The following ADGRE5 variants were observed in gnomAD, a reference collection of about 807,000 sequenced individuals.
ADGRE5 encodes the protein CD97 molecule.
In ADGRE5, 72 loss-of-function variants were observed where a neutral mutation model predicts 100.3. The observed-to-expected ratio is 0.72, with a 90% CI of 0.59 to 0.87. The LOEUF (loss-of-function observed/expected upper bound fraction) is 0.87, where lower values mean the gene tolerates loss of function less well. Among genes scored for constraint, ADGRE5 ranks in the 40% least tolerant of loss-of-function variants. ADGRE5 has a pLI of 0.00. For synonymous variants in ADGRE5, 439 were observed against 447.8 expected, an observed-to-expected ratio of 0.98 and a Z score of 0.25; for missense variants, 959 against 1,094.7, an observed-to-expected ratio of 0.88 and a Z score of 1.75.
chr19:14,383,940 C>G (rs1975245971), intron 1 of ADGRE5, among the ~76,000 whole-genome samples: 1 of 152,094 alleles, frequency 6.6e-6, no homozygotes, highest in African/African-American at 2.4e-5. Context: ...GGGCTCCAAG[C>G]CTCAGTTTCT....
intron 1 of ADGRE5, among the ~76,000 whole-genome samples, chr19:14,387,563 C>A (rs1280929979): frequency 6.6e-6 from 1 of 151,202 alleles, no homozygotes; most frequent in Non-Finnish European, 1.5e-5. Context: ...CCCATCTCTA[C>A]TAAAAATACA....
At position 14,401,431 on chromosome 19, in the gene ADGRE5, G is replaced by A. The variant is rs1396449863; in HGVS notation, c.943G>A (p.Val315Ile). Reference sequence around the variant, plus strand: ...TGAACTGATGGAAGCTCCTGGAGACGTAGAGGCCCTGGCGCCACCTGTCCG... The same window carrying A: ...TGAACTGATGGAAGCTCCTGGAGACATAGAGGCCCTGGCGCCACCTGTCCG... ...VDELMEAPGD[V>I]EALAPPVRHL... is the part of the protein sequence containing the mutation. Residue 315 changes from valine to isoleucine, a missense_variant, in exon 10 of 20, where the codon GTA becomes ATA. By Grantham distance (29) the Val-to-Ile change is conservative (BLOSUM62 3). Coordinates refer to ENST00000242786, the MANE Select transcript of ADGRE5 (RefSeq NM_078481.4). This position sits in a 1 kb window ranked among gnomAD's most constrained non-coding sequence, Gnocchi z 4.1. The A allele has an allele frequency of 3.1e-6, 5 of 1,614,120 alleles. No homozygotes were observed. The highest frequency in any genetic ancestry group is 2.2e-5 in the East Asian group (1 of 44,884).
At chr19:14,399,802 C>T (rs936346715) in intron 9 of ADGRE5, among the ~76,000 whole-genome samples, 2 of 151,812 alleles carry the variant, frequency 1.3e-5, no homozygotes, top group Admixed American at 6.6e-5. Flanking sequence ...TGATGTGAGC[C>T]ACTTAACATC....
At chr19:14,403,970 A>G (rs979704184) in intron 12 of ADGRE5, among the ~76,000 whole-genome samples, 11 of 139,116 alleles carry the variant, frequency 7.9e-5, no homozygotes, top group Admixed American at 3.2e-4. Flanking sequence ...TCCACCTCCC[A>G]GGTTCAAGCG....
intron 1 of ADGRE5, among the ~76,000 whole-genome samples, chr19:14,387,710 A>G (rs1323461292): frequency 6.6e-6 from 1 of 151,306 alleles, no homozygotes; most frequent in Admixed American, 6.6e-5. Context: ...CCTGGGTGAC[A>G]GAGTGAGACT....
In ADGRE5 at chr19:14,405,843, C is replaced by G. The variant is rs1976204170; in HGVS notation, c.1725C>G (p.Ile575Met). Residue 575 changes from isoleucine (I) to methionine (M), a missense_variant, in exon 14 of 20, where the codon ATC becomes ATG. Physicochemically the swap from Ile to Met is conservative, Grantham distance 10. Coordinates refer to ENST00000242786, the MANE Select transcript of ADGRE5 (RefSeq NM_078481.4). ...TCACTTTCCTGCTGGTGCGGCCCAT[C>G]CAGGGCTCGCGCACCACCATACACC... is the stretch of plus-strand genomic sequence containing the variant. ...CILTFLLVRPIQGSRTTIHLH... is the reference protein window; with the variant it reads ...CILTFLLVRPMQGSRTTIHLH... 3.7e-6 allele frequency: 6 copies of G among 1,613,404 alleles called. No individual in the cohort carries two copies. The highest frequency in any genetic ancestry group is 5.1e-6 in the Non-Finnish European group (6 of 1,179,956).
chr19:14,388,345 G>A, intron 1 of ADGRE5, 105 bp from the exon 2 acceptor site: 2 of 1,530,632 alleles, frequency 1.3e-6, no homozygotes, highest in South Asian at 1.2e-5. Context: ...GTCAGGATCT[G>A]AGCCTGAGAG....
chr19:14,405,590 C>T, intron 13 of ADGRE5, 158 bp from the exon 14 acceptor site: 1 of 618,420 alleles, frequency 1.6e-6, no homozygotes. Context: ...AATCCCTAGA[C>T]TCCCCTTCCA....
At chr19:14,400,513 C>T (rs781206369) in intron 9 of ADGRE5, among the ~76,000 whole-genome samples, 2 of 151,906 alleles carry the variant, frequency 1.3e-5, no homozygotes, top group South Asian at 2.1e-4. Context: ...GATTGCAGGC[C>T]GGGCATGGTG....
In ADGRE5 at chr19:14,401,770, G is replaced by T; in HGVS notation, c.1183+10G>T. ...GGAGCCGAGGATCCAGGTAGCAGCG[G>T]TGGTCTGGAGGGGGAGCCCGTGGGA... On this transcript the variant is annotated intron_variant, in intron 11 of 19. Transcript: ENST00000242786. The surrounding 1 kb of genome is among the most constrained non-coding windows in gnomAD (Gnocchi z 4.1). 1 of 1,529,754 alleles carries T rather than the reference G, an allele frequency of 6.5e-7. No individual in the cohort carries two copies. The allele number at this position is 1,529,754 out of a possible 1,614,324, so 94.8% of individuals were successfully genotyped here. A position where few individuals can be genotyped will look rare whatever the true frequency, so the allele number is the denominator to read the frequency against.
At chr19:14,392,664 A>T (rs1320873889) in intron 4 of ADGRE5, among the ~76,000 whole-genome samples, 6 of 152,160 alleles carry the variant, frequency 3.9e-5, no homozygotes, top group African/African-American at 1.4e-4. Context: ...GTACTCTGGG[A>T]GGCCGAGGCA....
At chr19:14,404,055 T>C (rs1327398019) in intron 12 of ADGRE5, among the ~76,000 whole-genome samples, 2 of 151,776 alleles carry the variant, frequency 1.3e-5, no homozygotes, top group East Asian at 3.9e-4. Context: ...TTTTTGTATT[T>C]TTTAGTGGAG....
Position 14,398,116 on chromosome 19 carries a change from A to G in ADGRE5, c.874A>G (p.Ser292Gly). 1 of 1,614,138 alleles carries G rather than the reference A, an allele frequency of 6.2e-7. No homozygotes were observed. ...GGACCTGGGCAGAGACTCCAAGACA[A>G]GCTCAGCCGAGGTCACCATCCAGGT... ...VQDLGRDSKT[S>G]SAEVTIQNVI... is the part of the protein sequence containing the mutation. The change falls in exon 9 of 20, where the codon AGC becomes GGC. Residue 292 changes from serine to glycine, a missense_variant. Around this residue, in one of 6 missense-constraint regions of ADGRE5, gnomAD observed 69 missense variants for 135.0 expected, o/e 0.51. Coordinates refer to ENST00000242786, the MANE Select transcript of ADGRE5 (RefSeq NM_078481.4).
At position 14,402,853 on chromosome 19, in the gene ADGRE5, T is replaced by C; in HGVS notation, c.1440T>C (p.Pro480=). The change falls in exon 12 of 20, where the codon CCT becomes CCC. Residue 480 remains proline (P), a synonymous_variant. Transcript: ENST00000242786. ...ESSDGEAGRD[P]PAKDVMPGPR... ...CCGATGGGGAGGCGGGAAGAGACCC[T>C]CCTGCCAAGGTCTCTGCTCACTCTG... 6.2e-7 allele frequency: 1 copy of C among 1,613,794 alleles called. No homozygotes were observed. The highest frequency in any genetic ancestry group is 8.5e-7 in the Non-Finnish European group (1 of 1,179,954).
Position 14,402,753 on chromosome 19 carries a change from C to A in ADGRE5, c.1340C>A (p.Ser447Tyr), listed in dbSNP as rs1407828067. The change falls in exon 12 of 20, where the codon TCC (serine) becomes TAC (tyrosine). Residue 447 changes from serine to tyrosine, a missense_variant. Coordinates refer to ENST00000242786, the MANE Select transcript of ADGRE5 (RefSeq NM_078481.4). ...CTCAGACGCCTCTCTGCCGTCAACT[C>A]CATCTTTCTGAGCCACAACAACACC... ...VQLRRLSAVN[S>Y]IFLSHNNTKE... 5 of 1,614,024 alleles carry A rather than the reference C, an allele frequency of 3.1e-6. No homozygotes were observed. Among genetic ancestry groups the A allele is most frequent in the Non-Finnish European group, 4.2e-6 (5 of 1,180,034 alleles).
rs1226049129 is a variant in ADGRE5 at position 14,407,955 on chromosome 19, C to T, written c.2424C>T (p.Ser808=). Residue 808 remains serine (S), a synonymous_variant, in exon 19 of 20, where the codon AGC becomes AGT. Transcript: ENST00000242786. ...RKWACLVAGG[S]KYSEFTSTTS... ...GGGCCTGCCTAGTTGCTGGGGGGAG[C>T]AAGTACTCAGAATTCACCTCCACCA... 6 of 1,614,088 alleles carry T rather than the reference C, an allele frequency of 3.7e-6. No individual in the cohort carries two copies. The highest frequency in any genetic ancestry group is 5.1e-6 in the Non-Finnish European group (6 of 1,180,006).
At position 14,408,175 on chromosome 19, in the gene ADGRE5, CACGAAG is replaced by C. The variant is rs1976365479; in HGVS notation, c.*57_*62del. 6.3e-7 allele frequency: 1 copy of C among 1,585,906 alleles called. No individual in the cohort carries two copies. Among genetic ancestry groups the C allele is most frequent in the Non-Finnish European group, 8.6e-7 (1 of 1,158,316 alleles). ...CTCCTGTGGCCACAGCAGCTTTGTA[CACGAAG>C]ACCATCCATCCTCCCTTCGTCCACC... On this transcript the variant is annotated 3_prime_UTR_variant, in exon 20 of 20. Coordinates refer to ENST00000242786, the MANE Select transcript of ADGRE5 (RefSeq NM_078481.4).
rs1028766854 is a variant in ADGRE5 at position 14,408,418 on chromosome 19, G to A, written c.*297G>A. The A allele has an allele frequency of 1.7e-5, 10 of 590,532 alleles. No homozygotes were observed. The highest frequency in any genetic ancestry group is 2.7e-5 in the Non-Finnish European group (9 of 330,246). The allele number at this position is 590,532 out of a possible 1,614,324, so 36.6% of individuals were successfully genotyped here. On this transcript the variant is annotated 3_prime_UTR_variant, in exon 20 of 20. Coordinates refer to ENST00000242786, the MANE Select transcript of ADGRE5 (RefSeq NM_078481.4). ...TGCAGCATGTTGCCCTGGCACCTGT[G>A]GCCAGTACTCGGGACAGACTAAGGG...
Position 14,408,116 on chromosome 19 carries a change from A to G in ADGRE5, c.2503A>G (p.Ile835Val). 6.2e-7 allele frequency: 1 copy of G among 1,613,258 alleles called. No individual in the cohort carries two copies. Reference protein sequence around the residue: ...TRALRASESGI With the variant: ...TRALRASESGV ...GGCCCTCAGGGCATCAGAGTCCGGC[A>G]TATGAAGGCGCATGGTTCTGGACGG... Residue 835 changes from isoleucine (I) to valine (V), a missense_variant, in exon 20 of 20, where the codon ATA (isoleucine) becomes GTA (valine). Transcript: ENST00000242786.
Sources: gnomAD v4.1 joint callset for allele counts (sites outside exome capture counted in the v4.1 genomes callset) on GRCh38, gnomAD v4.1.1 for gene constraint, gnomAD v4.1.1 regional missense constraint, Gnocchi (gnomAD v3.1) non-coding constraint, MANE v1.5 for transcripts, NCBI Gene and HGNC (gene_info 2026-07-23, HGNC 2026-07-21) for gene names.